Variants in CCDC73 observed in about 807,000 individuals in gnomAD.
CCDC73 encodes coiled-coil domain-containing protein 73.
A neutral mutation model predicts 116.5 loss-of-function variants in CCDC73; 95 were observed. The ratio of observed to expected loss-of-function variants is 0.82; its 90% CI spans 0.69 to 0.97. CCDC73 has a LOEUF of 0.97. Ranked by LOEUF, CCDC73 falls within the 50% of genes least tolerant of loss-of-function variation. The pLI, the probability that CCDC73 is intolerant of heterozygous loss-of-function variation, is 0.00. For synonymous variants in CCDC73, 398 were observed against 401.3 expected, an observed-to-expected ratio of 0.99 and a Z score of 0.10; for missense variants, 1,066 against 1,206.8, an observed-to-expected ratio of 0.88 and a Z score of 1.73.
chr11:32,813,273 G>A, the CCDC73 span, among the ~76,000 whole-genome samples: 25 of 151,992 alleles, frequency 1.6e-4, no homozygotes, highest in African/African-American at 4.6e-4. Flanking sequence ...ATATATTCTC[G>A]TATATTTGTT....
intron 14 of CCDC73, among the ~76,000 whole-genome samples, chr11:32,630,788 C>CA (rs143943476): frequency 0.048 from 7,283 of 150,690 alleles, 201 homozygotes; most frequent in African/African-American, 0.064. Context: ...CAACAGTTCT[C>CA]AAAAAAAAGA....
chr11:32,656,064 TTTTTC>T lies in CCDC73; in HGVS notation c.646-1097_646-1093del, dbSNP rs551917507. ...TGCTTCTCAGGTAGGCAGTGGGCAG[TTTTTC>T]TTTTCTTTTCTTTTCTTTTTTTTTT... On this transcript the variant is annotated intron_variant, in intron 9 of 17. Transcript: ENST00000335185. Among the ~76,000 whole-genome samples, 87 of 148,312 alleles carry T rather than the reference TTTTTC, an allele frequency of 5.9e-4. 1 individual carries two copies. The highest frequency in any genetic ancestry group is 3.9e-3 in the Admixed American group (58 of 14,878).
intron 2 of CCDC73, among the ~76,000 whole-genome samples, chr11:32,722,539 C>A (rs1205751155): frequency 6.6e-6 from 1 of 152,078 alleles, no homozygotes; most frequent in Non-Finnish European, 1.5e-5. Context: ...GTATATACTA[C>A]AAGATACATA....
At position 32,657,492 on chromosome 11, in the gene CCDC73, A is replaced by G. The variant is rs370001966; in HGVS notation, c.646-2520T>C. Among the ~76,000 whole-genome samples the G allele has an allele frequency of 2.0e-4, 31 of 152,258 alleles. 1 individual carries two copies. The highest frequency in any genetic ancestry group is 6.7e-4 in the African/African-American group (28 of 41,560). On this transcript the variant is annotated intron_variant, in intron 9 of 17. Transcript: ENST00000335185. Reference sequence around the variant, plus strand: ...AGCTGGGCCTTGAAGAATGAGTAGTATAGTGGATATCCTCCATTTATCACT... The same window carrying G: ...AGCTGGGCCTTGAAGAATGAGTAGTGTAGTGGATATCCTCCATTTATCACT...
intron 3 of CCDC73, among the ~76,000 whole-genome samples, chr11:32,706,754 T>C (rs1045665824): frequency 1.3e-5 from 2 of 152,190 alleles, no homozygotes; most frequent in Non-Finnish European, 2.9e-5. Context: ...TTCTCCCTGT[T>C]TCAGCCTGTT....
chr11:32,684,306 C>T (rs1455317294), intron 6 of CCDC73, among the ~76,000 whole-genome samples: 1 of 152,082 alleles, frequency 6.6e-6, no homozygotes, highest in African/African-American at 2.4e-5. Context: ...TCCAGCCTTG[C>T]CCTCTTATAG....
chr11:32,625,862 C>T (rs994125248), intron 14 of CCDC73, among the ~76,000 whole-genome samples: 1 of 151,270 alleles, frequency 6.6e-6, no homozygotes, highest in African/African-American at 2.4e-5. Context: ...GACAAACCCA[C>T]AGCCAATATC....
In CCDC73 at chr11:32,613,486, C is replaced by A; in HGVS notation, c.2832G>T (p.Lys944Asn). Residue 944 changes from lysine to asparagine, a missense_variant, in exon 16 of 18, where the codon AAG (lysine) becomes AAT (asparagine). Coordinates refer to ENST00000335185, the MANE Select transcript of CCDC73 (RefSeq NM_001008391.4). Reference sequence around the variant, plus strand: ...TTTTACAAAGAGCCATTGAAATGATCTTTTTGTTTTCTGATGGATCTAGTG... The same window carrying A: ...TTTTACAAAGAGCCATTGAAATGATATTTTTGTTTTCTGATGGATCTAGTG... ...ERPLDPSENK[K>N]IISMALCKNI... The A allele has an allele frequency of 6.2e-7, 1 of 1,614,042 alleles. No individual in the cohort carries two copies. The highest frequency in any genetic ancestry group is 2.2e-5 in the East Asian group (1 of 44,872).
At chr11:32,731,444 GT>G (rs1850077255) in intron 2 of CCDC73, among the ~76,000 whole-genome samples, 2 of 152,064 alleles carry the variant, frequency 1.3e-5, no homozygotes, top group African/African-American at 4.8e-5. Flanking sequence ...CCAGCACGGA[GT>G]TTGAGAATGG....
intron 7 of CCDC73, among the ~76,000 whole-genome samples, chr11:32,679,665 A>G (rs1408629674): frequency 1.3e-5 from 2 of 152,066 alleles, no homozygotes; most frequent in Non-Finnish European, 2.9e-5. Flanking sequence ...TGCCCGGCCA[A>G]TTCAAGGAAG....
At chr11:32,677,969 A>C (rs1192366547) in intron 7 of CCDC73, among the ~76,000 whole-genome samples, 13 of 148,966 alleles carry the variant, frequency 8.7e-5, no homozygotes, top group Non-Finnish European at 7.4e-5. Context: ...AAAAAAAAAA[A>C]AAAAAAAAAA....
At chr11:32,813,260 G>C in the CCDC73 span, among the ~76,000 whole-genome samples, 1 of 151,952 alleles carries the variant, frequency 6.6e-6, no homozygotes, top group Non-Finnish European at 1.5e-5. Flanking sequence ...TTCTCTTGAT[G>C]TCATATATTC....
At chr11:32,704,139 T>C (rs1472256527) in intron 3 of CCDC73, among the ~76,000 whole-genome samples, 1 of 152,080 alleles carries the variant, frequency 6.6e-6, no homozygotes, top group East Asian at 1.9e-4. Context: ...CCTACTAAGT[T>C]GGCGGGGCAG....
At chr11:32,825,429 A>G in the CCDC73 span, among the ~76,000 whole-genome samples, 2 of 151,004 alleles carry the variant, frequency 1.3e-5, no homozygotes, top group Non-Finnish European at 2.9e-5. Context: ...CAGTCTCCCA[A>G]GTAGATAGGA....
intron 1 of CCDC73, among the ~76,000 whole-genome samples, chr11:32,793,791 A>G (rs1270966240): frequency 6.6e-6 from 1 of 151,838 alleles, no homozygotes; most frequent in Non-Finnish European, 1.5e-5. Context: ...TTGTATTTTT[A>G]GTAGAGACGG....
intron 1 of CCDC73, among the ~76,000 whole-genome samples, chr11:32,765,113 G>C (rs1201049912): frequency 1.3e-5 from 2 of 152,154 alleles, no homozygotes; most frequent in African/African-American, 4.8e-5. Flanking sequence ...GATTCATAAA[G>C]CAAGTCCTTA....
intron 1 of CCDC73, among the ~76,000 whole-genome samples, chr11:32,775,796 A>C (rs984189155): frequency 3.3e-5 from 5 of 152,018 alleles, no homozygotes; most frequent in African/African-American, 1.2e-4. Flanking sequence ...TTCTTATTTT[A>C]TCTCTTAATT....
the CCDC73 span, among the ~76,000 whole-genome samples, chr11:32,800,164 A>G: frequency 6.6e-6 from 1 of 152,314 alleles, no homozygotes; most frequent in Admixed American, 6.5e-5. Flanking sequence ...CATGTCAATT[A>G]GCTATTGAAT....
At chr11:32,729,334 T>C (rs2133343133) in intron 2 of CCDC73, among the ~76,000 whole-genome samples, 1 of 152,336 alleles carries the variant, frequency 6.6e-6, no homozygotes, top group South Asian at 2.1e-4. Context: ...TCCATGTCTC[T>C]GCAAAGGACA....
Sources: allele counts gnomAD v4.1 joint callset (sites outside exome capture counted in the v4.1 genomes callset), GRCh38; gene constraint gnomAD v4.1.1; transcripts MANE v1.5; gene names NCBI Gene and HGNC (gene_info 2026-07-23, HGNC 2026-07-21).